ERC2: variants seen among roughly 807,000 people sequenced by gnomAD.
ERC2 encodes the protein ERC protein 2.
A neutral mutation model predicts 114.8 loss-of-function variants in ERC2; 42 were observed. That is an observed-to-expected ratio of 0.37 (90% CI 0.29 to 0.47). ERC2 has a LOEUF of 0.47. ERC2 is among the 20% of genes least tolerant of loss of function. The pLI, the probability that ERC2 is intolerant of heterozygous loss-of-function variation, is 0.99. For missense variants in ERC2, 939 were observed against 1,150.7 expected (o/e 0.82, Z 2.66); for synonymous variants, 454 against 425.5 (o/e 1.07, Z -0.82).
At chr3:55,519,017 G>A (rs1442178157) in intron 17 of ERC2, among the ~76,000 whole-genome samples, 2 of 152,200 alleles carry the variant, frequency 1.3e-5, no homozygotes, top group African/African-American at 4.8e-5. Flanking sequence ...CATCAGAGAT[G>A]GGGGCTGATC....
At chr3:55,651,913 G>A (rs183383770) in intron 17 of ERC2, among the ~76,000 whole-genome samples, 2 of 152,318 alleles carry the variant, frequency 1.3e-5, no homozygotes, top group East Asian at 3.9e-4. Context: ...TCGGAATGCT[G>A]TTGCATTTCA....
chr3:55,799,445 A>ATATGCATATATATATGCCTTATATG (rs1417489787), intron 14 of ERC2, among the ~76,000 whole-genome samples: 3 of 118,302 alleles, frequency 2.5e-5, no homozygotes, highest in Admixed American at 8.1e-5. Context: ...CCTTATATAT[A>ATATGCATATATATATGCCTTATATG]TATGCATATA....
intron 17 of ERC2, among the ~76,000 whole-genome samples, chr3:55,636,795 C>A (rs2059975618): frequency 6.6e-6 from 1 of 152,178 alleles, no homozygotes; most frequent in African/African-American, 2.4e-5. Flanking sequence ...GGCCCGCAGC[C>A]CTACGGTTTG....
intron 14 of ERC2, among the ~76,000 whole-genome samples, chr3:55,793,242 T>C (rs1046396685): frequency 6.6e-6 from 1 of 152,176 alleles, no homozygotes; most frequent in African/African-American, 2.4e-5. Context: ...TTTTTAATAA[T>C]ACAAATTGAA....
At chr3:56,363,051 A>G (rs1363560790) in intron 2 of ERC2, among the ~76,000 whole-genome samples, 1 of 152,228 alleles carries the variant, frequency 6.6e-6, no homozygotes, top group Non-Finnish European at 1.5e-5. Flanking sequence ...CAGCAGTATA[A>G]TGAGCATCAT....
chr3:56,414,740 A>G (rs1433163402), intron 2 of ERC2, among the ~76,000 whole-genome samples: 1 of 149,478 alleles, frequency 6.7e-6, no homozygotes, highest in Non-Finnish European at 1.5e-5. Flanking sequence ...AAAAAAAAAG[A>G]AAAGAAAAGG....
rs71621803 is a variant in ERC2, at chr3:55,875,690, TCACA to T, written c.2564+12695_2564+12698del. Among the ~76,000 whole-genome samples, 871 of 144,684 alleles carry T rather than the reference TCACA, an allele frequency of 6.0e-3. 12 individuals carry two copies. Among genetic ancestry groups the T allele is most frequent in the East Asian group, 0.024 (118 of 4,934 alleles). 94.9% of individuals were successfully genotyped at this position (144,684 alleles called of 152,430 possible). On this transcript the variant is annotated intron_variant, in intron 14 of 17. Coordinates refer to ENST00000288221, the MANE Select transcript of ERC2 (RefSeq NM_015576.3). ...CCTCTTTTTCTGCCCCTAAACTCAT[TCACA>T]CACACACACACACACACACACACAC...
intron 13 of ERC2, among the ~76,000 whole-genome samples, chr3:55,942,498 C>T (rs1188709282): frequency 6.7e-6 from 1 of 150,354 alleles, no homozygotes; most frequent in African/African-American, 2.4e-5. Flanking sequence ...GGGGTTTCAC[C>T]GTTTTAGCCG....
intron 14 of ERC2, among the ~76,000 whole-genome samples, chr3:55,817,674 T>A (rs1290117703): frequency 1.3e-5 from 2 of 152,196 alleles, no homozygotes; most frequent in African/African-American, 4.8e-5. Flanking sequence ...CCTGCTTTAT[T>A]CACAAGTCAC....
At chr3:56,173,565 C>T (rs368640943) in intron 3 of ERC2, 45 bp from the exon 4 acceptor site, 19 of 1,573,868 alleles carry the variant, frequency 1.2e-5, no homozygotes, top group African/African-American at 5.4e-5. Context: ...TTCATCCTTC[C>T]GTTACACCAC....
intron 2 of ERC2, among the ~76,000 whole-genome samples, chr3:56,409,545 A>G (rs2060861254): frequency 6.6e-6 from 1 of 151,382 alleles, no homozygotes; most frequent in Non-Finnish European, 1.5e-5. Flanking sequence ...ACCTCTGCTC[A>G]CAAAGGGCTG....
chr3:56,227,651 G>A (rs2050338512), intron 3 of ERC2, among the ~76,000 whole-genome samples: 1 of 152,138 alleles, frequency 6.6e-6, no homozygotes, highest in South Asian at 2.1e-4. Flanking sequence ...GAGACTGACA[G>A]CACCATGAGC....
chr3:55,910,215 C>T (rs1434837314), intron 13 of ERC2, among the ~76,000 whole-genome samples: 1 of 151,822 alleles, frequency 6.6e-6, no homozygotes, highest in African/African-American at 2.4e-5. Flanking sequence ...CATGTTGAAA[C>T]CTGGTCTCTG....
chr3:56,073,070 A>G (rs1253229491), intron 7 of ERC2, among the ~76,000 whole-genome samples: 1 of 152,212 alleles, frequency 6.6e-6, no homozygotes, highest in African/African-American at 2.4e-5. Context: ...ACTCATGTGC[A>G]CACACACAAA....
At chr3:55,610,064 C>CAAAAAAAAAAA (rs36088271) in intron 17 of ERC2, among the ~76,000 whole-genome samples, 15 of 118,708 alleles carry the variant, frequency 1.3e-4, no homozygotes, top group East Asian at 2.7e-4. Flanking sequence ...CAAACACAAA[C>CAAAAAAAAAAA]AAAAAAAAAA....
chr3:56,438,920 C>G (rs2107420786), intron 1 of ERC2, among the ~76,000 whole-genome samples: 1 of 152,308 alleles, frequency 6.6e-6, no homozygotes, highest in Non-Finnish European at 1.5e-5. Context: ...TAACATACAA[C>G]ATGAAAAGAT....
intron 2 of ERC2, among the ~76,000 whole-genome samples, chr3:56,370,597 T>G (rs1316754618): frequency 3.8e-5 from 3 of 78,864 alleles, no homozygotes; most frequent in Admixed American, 1.4e-4. Flanking sequence ...GTTTTTTTGT[T>G]TTTTTTTTTT....
intron 7 of ERC2, among the ~76,000 whole-genome samples, chr3:56,047,595 A>G (rs1325230150): frequency 6.6e-6 from 1 of 152,232 alleles, no homozygotes; most frequent in Non-Finnish European, 1.5e-5. Context: ...AAAATGAAGG[A>G]GGAAAATGGG....
At position 55,694,570 on chromosome 3, in the gene ERC2, C is replaced by T. The variant is rs1447350794; in HGVS notation, c.2847+4808G>A. Among the ~76,000 whole-genome samples, 4 of 152,226 alleles carry T rather than the reference C, an allele frequency of 2.6e-5. No homozygotes were observed. In the East Asian group the frequency reaches 7.7e-4, roughly 29 times the overall value. ...AGAAAGTCTCAAAGGTGGTCAAAAT[C>T]CCTCGAGCTCTCCAACACCTATGAG... On this transcript the variant is annotated intron_variant, in intron 16 of 17. Transcript: ENST00000288221.
Sources: allele counts gnomAD v4.1 joint callset (sites outside exome capture counted in the v4.1 genomes callset), GRCh38; gene constraint gnomAD v4.1.1; transcripts MANE v1.5; gene names NCBI Gene and HGNC (gene_info 2026-07-23, HGNC 2026-07-21).